The following NHSL1 variants were observed in gnomAD, a reference collection of about 807,000 sequenced individuals.
The protein encoded by NHSL1 is NHS-like protein 1.
In NHSL1, 48 loss-of-function variants were observed where a neutral mutation model predicts 95.0. That is an observed-to-expected ratio of 0.51 (90% CI 0.40 to 0.64). NHSL1 has a LOEUF of 0.64. Among genes scored for constraint, NHSL1 ranks in the 30% least tolerant of loss-of-function variants. NHSL1 has a pLI of 0.00. For missense variants in NHSL1, 1,971 were observed against 2,077.7 expected, an observed-to-expected ratio of 0.95 and a Z score of 1.00; for synonymous variants, 783 against 833.9, an observed-to-expected ratio of 0.94 and a Z score of 1.05.
At chr6:138,657,511 T>A (rs1452810534) in intron 1 of NHSL1, among the ~76,000 whole-genome samples, 3 of 151,776 alleles carry the variant, frequency 2.0e-5, no homozygotes, top group Admixed American at 6.6e-5. Flanking sequence ...GAACTAAATA[T>A]AGGTAAGAAA....
upstream of NHSL1, among the ~76,000 whole-genome samples, chr6:138,547,013 A>T (rs1562363105): frequency 1.3e-5 from 2 of 152,190 alleles, no homozygotes; most frequent in African/African-American, 4.8e-5. Flanking sequence ...GGAAGTGGCC[A>T]TTGTTCACAG....
chr6:138,531,964 T>C (rs1235867057), intron 1 of NHSL1, among the ~76,000 whole-genome samples: 1 of 152,226 alleles, frequency 6.6e-6, no homozygotes, highest in African/African-American at 2.4e-5. Flanking sequence ...ACCCTCTAGG[T>C]TCTTATTGCC....
At chr6:138,638,309 T>A (rs1469724584) in intron 1 of NHSL1, among the ~76,000 whole-genome samples, 1 of 152,188 alleles carries the variant, frequency 6.6e-6, no homozygotes, top group Admixed American at 6.5e-5. Context: ...CTATAGTCAA[T>A]AATTGTACAT....
intron 1 of NHSL1, among the ~76,000 whole-genome samples, chr6:138,530,380 G>T (rs1283044976): frequency 6.6e-6 from 1 of 152,152 alleles, no homozygotes; most frequent in Non-Finnish European, 1.5e-5. Context: ...ATTCCTTAAA[G>T]AACTCAAAGT....
intron 1 of NHSL1, among the ~76,000 whole-genome samples, chr6:138,669,648 G>A (rs1485662144): frequency 6.6e-6 from 1 of 152,194 alleles, no homozygotes; most frequent in African/African-American, 2.4e-5. Context: ...AGAATACAAA[G>A]CACAGTTGAG....
At chr6:138,602,579 C>T (rs889529434) in intron 1 of NHSL1, among the ~76,000 whole-genome samples, 5 of 152,126 alleles carry the variant, frequency 3.3e-5, no homozygotes, top group African/African-American at 1.2e-4. Context: ...TGACCTCTGA[C>T]GATCCTGCCC....
intron 1 of NHSL1, among the ~76,000 whole-genome samples, chr6:138,655,353 C>T (rs772102612): frequency 1.3e-5 from 2 of 152,180 alleles, no homozygotes; most frequent in Non-Finnish European, 2.9e-5. Context: ...TTCATGCTTC[C>T]TTTCACTATA....
At chr6:138,473,701 C>T (rs1778895537) in intron 2 of NHSL1, among the ~76,000 whole-genome samples, 2 of 152,096 alleles carry the variant, frequency 1.3e-5, no homozygotes, top group East Asian at 3.8e-4. Flanking sequence ...TAGACACCAT[C>T]ATTAATTCTA....
At chr6:138,588,411 G>A (rs1363627313) in intron 1 of NHSL1, among the ~76,000 whole-genome samples, 2 of 152,190 alleles carry the variant, frequency 1.3e-5, no homozygotes, top group African/African-American at 4.8e-5. Flanking sequence ...GCAGTGAGCC[G>A]AGATCACGCT....
In NHSL1 at chr6:138,621,198, C is replaced by T. The variant is rs11752348; in HGVS notation, c.96+71278G>A. ...AGATTGCTGAAAAGGGTTAGTTTTGCTACAAATGGTATGCAAGTCAAACAT... is the reference window on the plus strand; with the variant it reads ...AGATTGCTGAAAAGGGTTAGTTTTGTTACAAATGGTATGCAAGTCAAACAT... On this transcript the variant is annotated intron_variant, in intron 1 of 3. Transcript: ENST00000491526. 3.0e-3 allele frequency among the ~76,000 whole-genome samples: 461 copies of T among 152,258 alleles called. 9 individuals carry two copies. The highest frequency in any genetic ancestry group is 1.2e-3 in the Non-Finnish European group (81 of 68,016).
upstream of NHSL1, among the ~76,000 whole-genome samples, chr6:138,549,592 G>C (rs946677326): frequency 6.6e-6 from 1 of 152,172 alleles, no homozygotes; most frequent in African/African-American, 2.4e-5. Context: ...TTCCTAAATA[G>C]GGAGAGAATA....
Position 138,527,379 on chromosome 6 carries a change from C to G in NHSL1, c.16+18244G>C, listed in dbSNP as rs569713376. ...AGAAGGAGGGCAAAAGTGCCCCCTG[C>G]CCCAAAAAATTTAAAAAAAAGTTTC... On this transcript the variant is annotated intron_variant, in intron 1 of 4. Transcript: ENST00000342260. Among the ~76,000 whole-genome samples the G allele has an allele frequency of 3.4e-4, 51 of 152,108 alleles. 1 individual carries two copies.
chr6:138,622,263 G>A (rs182503846), intron 1 of NHSL1, among the ~76,000 whole-genome samples: 12 of 152,238 alleles, frequency 7.9e-5, no homozygotes, highest in South Asian at 4.1e-4. Context: ...AGCACTTTAG[G>A]AGGCCGAGGT....
intron 7 of NHSL1, among the ~76,000 whole-genome samples, chr6:138,426,949 A>C (rs1421477208): frequency 1.3e-5 from 2 of 152,178 alleles, no homozygotes; most frequent in Admixed American, 1.3e-4. Flanking sequence ...GACGTTAGAA[A>C]TGGTCTAGTC....
At chr6:138,638,010 A>G (rs1436939889) in intron 1 of NHSL1, among the ~76,000 whole-genome samples, 1 of 152,210 alleles carries the variant, frequency 6.6e-6, no homozygotes, top group African/African-American at 2.4e-5. Context: ...CTTATACACA[A>G]TGGAGTACTA....
chr6:138,607,559 T>C (rs920287922), intron 1 of NHSL1, among the ~76,000 whole-genome samples: 2 of 152,186 alleles, frequency 1.3e-5, no homozygotes, highest in Non-Finnish European at 2.9e-5. Context: ...AGGATTAAAA[T>C]TGTGATGGTT....
intron 1 of NHSL1, among the ~76,000 whole-genome samples, chr6:138,669,764 G>A (rs1302730189): frequency 6.6e-6 from 1 of 152,164 alleles, no homozygotes; most frequent in East Asian, 1.9e-4. Flanking sequence ...GGCCTTACCA[G>A]CCAGCTAAGA....
intron 3 of NHSL1, among the ~76,000 whole-genome samples, chr6:138,455,494 G>GAGCCCCGCCTTCGCATGCTCCCTGCAAGA (rs1777534142): frequency 3.8e-5 from 3 of 78,778 alleles, no homozygotes; most frequent in East Asian, 2.8e-4. Context: ...TCCCTGCAAG[G>GAGCCCCGCCTTCGCATGCTCCCTGCAAGA]AGCCCCGCCT....
At chr6:138,609,182 G>A (rs929830240) in intron 1 of NHSL1, among the ~76,000 whole-genome samples, 1 of 152,178 alleles carries the variant, frequency 6.6e-6, no homozygotes, top group African/African-American at 2.4e-5. Context: ...ACAAGCAAAT[G>A]GATGTTGCTT....
Sources: gnomAD v4.1 joint callset for allele counts (sites outside exome capture counted in the v4.1 genomes callset) on GRCh38, gnomAD v4.1.1 for gene constraint, MANE v1.5 for transcripts, NCBI Gene and HGNC (gene_info 2026-07-23, HGNC 2026-07-21) for gene names.